Variants in ATG7 observed in about 807,000 individuals in gnomAD.
ATG7 encodes autophagy related 7, also known as ubiquitin-like modifier-activating enzyme ATG7.
ATG7 carries 70 observed loss-of-function variants against 82.4 expected under a neutral mutation model. The ratio of observed to expected loss-of-function variants is 0.85; its 90% confidence interval spans 0.70 to 1.04. The LOEUF (loss-of-function observed/expected upper bound fraction) is 1.04. Among genes scored for constraint, ATG7 ranks in the 50% least tolerant of loss-of-function variants. ATG7 has a pLI of 0.00. For synonymous variants in ATG7, 287 were observed against 313.0 expected, an observed-to-expected ratio of 0.92 and a Z score of 0.88; for missense variants, 792 against 864.3, an observed-to-expected ratio of 0.92 and a Z score of 1.05.
At chr3:11,542,218 T>C (rs935390655) in intron 20 of ATG7, among the ~76,000 whole-genome samples, 1 of 152,286 alleles carries the variant, frequency 6.6e-6, no homozygotes, top group Non-Finnish European at 1.5e-5. Flanking sequence ...AACCAGTGCT[T>C]GGACAAGCCC....
chr3:11,291,729 A>G (rs1306376431), intron 3 of ATG7, among the ~76,000 whole-genome samples: 1 of 152,248 alleles, frequency 6.6e-6, no homozygotes, highest in African/African-American at 2.4e-5. Context: ...TAAATGCCCT[A>G]ATGGAAGTGT....
intron 9 of ATG7, among the ~76,000 whole-genome samples, chr3:11,325,016 G>C (rs553591460): frequency 6.6e-6 from 1 of 152,124 alleles, no homozygotes; most frequent in Non-Finnish European, 1.5e-5. Flanking sequence ...GTTTAGATTT[G>C]TTCAGATACA....
rs1410503541 is a variant in ATG7, at chr3:11,342,214, G to T, written c.1060G>T (p.Val354Leu). The T allele has an allele frequency of 5.6e-6, 9 of 1,613,630 alleles. No homozygotes were observed. Among genetic ancestry groups the T allele is most frequent in the Non-Finnish European group, 7.6e-6 (9 of 1,179,976 alleles). Residue 354 changes from valine to leucine, a missense_variant, in exon 13 of 21, where the codon GTG (valine) becomes TTG (leucine). Val to Leu is a conservative substitution (Grantham distance 32, BLOSUM62 1). Transcript: ENST00000693202. ...TCCTACTTTAGACTTGGACAAGGTT[G>T]TGTCTGTCAAATGTCTGCTGCTTGG... Reference protein sequence around the residue: ...LVPTLDLDKVVSVKCLLLGAG... With the variant: ...LVPTLDLDKVLSVKCLLLGAG...
the ATG7 span, among the ~76,000 whole-genome samples, chr3:11,565,301 A>G: frequency 6.6e-6 from 1 of 152,046 alleles, no homozygotes; most frequent in African/African-American, 2.4e-5. The surrounding 1 kb of genome is among the most constrained non-coding windows in gnomAD (Gnocchi z 4.1). Context: ...GTTCACTTCT[A>G]TAATAATCTC....
chr3:11,510,042 T>C (rs2091966745), intron 20 of ATG7: 1 of 316,204 alleles, frequency 3.2e-6, no homozygotes, highest in African/African-American at 2.2e-5. Flanking sequence ...CCTGTTTTCC[T>C]CCAAGACTAG....
intron 19 of ATG7, among the ~76,000 whole-genome samples, chr3:11,398,026 G>A (rs2079468929): frequency 6.6e-6 from 1 of 151,098 alleles, no homozygotes; most frequent in Non-Finnish European, 1.5e-5. Flanking sequence ...GGTGGTTGAA[G>A]TGAGTCGAGA....
chr3:11,567,860 A>G, the ATG7 span, among the ~76,000 whole-genome samples: 1 of 152,206 alleles, frequency 6.6e-6, no homozygotes, highest in African/African-American at 2.4e-5. Flanking sequence ...ACATGAGTGA[A>G]TGGCTTCTCT....
the ATG7 span, chr3:11,568,557 G>C: frequency 1.9e-6 from 3 of 1,552,040 alleles, no homozygotes; most frequent in South Asian, 3.6e-5. The surrounding 1 kb of genome is among the most constrained non-coding windows in gnomAD (Gnocchi z 5.9). Context: ...GCGAGAAAAG[G>C]CCTGGAGAAC....
At chr3:11,561,194 T>C (rs115692600), downstream of ATG7, among the ~76,000 whole-genome samples, 91 of 152,174 alleles carry the variant, frequency 6.0e-4, 1 homozygote, top group African/African-American at 2.1e-3. Flanking sequence ...GCAGCGAGCG[T>C]GTCCTGACCC....
chr3:11,275,986 T>C (rs73123330), intron 1 of ATG7, among the ~76,000 whole-genome samples: 2,333 of 152,316 alleles, frequency 0.015, 58 homozygotes, highest in African/African-American at 0.053. Flanking sequence ...GCACTTTTCT[T>C]GTGGTAACCT....
chr3:11,304,292 A>G (rs1947349918), intron 5 of ATG7, among the ~76,000 whole-genome samples: 2 of 152,118 alleles, frequency 1.3e-5, no homozygotes, highest in Admixed American at 1.3e-4. Flanking sequence ...GGGGTGTACT[A>G]TTTGCTCAAT....
chr3:11,524,249 A>AG (rs1315729890), intron 20 of ATG7, among the ~76,000 whole-genome samples: 1 of 152,190 alleles, frequency 6.6e-6, no homozygotes, highest in East Asian at 1.9e-4. Flanking sequence ...ACACAGACAA[A>AG]GGAAGGCATT....
intron 18 of ATG7, among the ~76,000 whole-genome samples, chr3:11,366,392 G>C (rs1016911149): frequency 5.3e-5 from 8 of 151,962 alleles, no homozygotes; most frequent in African/African-American, 1.7e-4. Context: ...CCACACACAA[G>C]GTGGCATTTT....
rs151077537 is a variant in ATG7, at chr3:11,497,806, T to C, written c.2080-57005T>C. On this transcript the variant is annotated intron_variant, in intron 20 of 20. Coordinates refer to ENST00000693202, the MANE Select transcript of ATG7 (RefSeq NM_001349232.2). ...CTGCTGTATACATTCACTGCTATTA[T>C]AATAATAATAGTTTACAGGAGCCCA... Among the ~76,000 whole-genome samples, 591 of 152,228 alleles carry C rather than the reference T, an allele frequency of 3.9e-3. 2 individuals carry two copies. The highest frequency in any genetic ancestry group is 0.013 in the African/African-American group (539 of 41,526).
rs1237872218 is a variant in ATG7, at chr3:11,517,555, G to C, written c.2080-37256G>C. ...CAGAGGCCTGCTGAGATGGAGAATC[G>C]ATGCTCAGATTCTTCCTCTGTATCC... On this transcript the variant is annotated intron_variant, in intron 20 of 20. Coordinates refer to ENST00000693202, the MANE Select transcript of ATG7 (RefSeq NM_001349232.2). Among the ~76,000 whole-genome samples, 6 of 152,144 alleles carry C rather than the reference G, an allele frequency of 3.9e-5. No homozygotes were observed. In the South Asian group the frequency reaches 1.2e-3, roughly 32 times the overall value.
At chr3:11,316,873 GA>G (rs1459240366) in intron 9 of ATG7, among the ~76,000 whole-genome samples, 1 of 151,912 alleles carries the variant, frequency 6.6e-6, no homozygotes, top group African/African-American at 2.4e-5. Context: ...TATCAGAGCT[GA>G]AAAAAGGAAA....
chr3:11,494,198 AG>A (rs1370656137), intron 20 of ATG7, among the ~76,000 whole-genome samples: 1 of 152,180 alleles, frequency 6.6e-6, no homozygotes, highest in Non-Finnish European at 1.5e-5. Context: ...GACTAAAATC[AG>A]GGGTTTATAT....
intron 9 of ATG7, among the ~76,000 whole-genome samples, chr3:11,322,010 G>A (rs867917669): frequency 7.9e-5 from 12 of 152,056 alleles, no homozygotes; most frequent in African/African-American, 2.7e-4. Flanking sequence ...AGCAGCCCCC[G>A]GGACATCCAA....
intron 20 of ATG7, among the ~76,000 whole-genome samples, chr3:11,469,872 C>T (rs530042980): frequency 2.8e-4 from 42 of 151,666 alleles, no homozygotes; most frequent in African/African-American, 9.4e-4. Flanking sequence ...TACCTGTAAT[C>T]CCAGCTACTT....
Sources: allele counts gnomAD v4.1 joint callset (sites outside exome capture counted in the v4.1 genomes callset), GRCh38; gene constraint gnomAD v4.1.1; non-coding constraint Gnocchi (gnomAD v3.1); transcripts MANE v1.5; gene names NCBI Gene and HGNC (gene_info 2026-07-23, HGNC 2026-07-21).